The following SMARCA2 variants were observed in gnomAD, a reference collection of about 807,000 sequenced individuals.
SMARCA2 encodes SWI/SNF related BAF chromatin remodeling complex subunit ATPase 2.
Under a neutral mutation model 199.8 loss-of-function variants are expected in SMARCA2, and 61 were observed. That is an observed-to-expected ratio of 0.31 (90% CI 0.25 to 0.38). The LOEUF is 0.38. Ranked by LOEUF, SMARCA2 falls within the 10% of genes least tolerant of loss-of-function variation. The probability of loss-of-function intolerance (pLI) is 1.00; values close to 1 mark genes in which losing one functional copy is unlikely to be tolerated. For missense variants in SMARCA2, 1,344 were observed against 2,012.2 expected, an observed-to-expected ratio of 0.67 and a Z score of 6.35; for synonymous variants, 935 against 732.0, an observed-to-expected ratio of 1.28 and a Z score of -4.48.
chr9:2,191,466 T>C, intron 33 of SMARCA2, 58 bp downstream of exon 33: 1 of 1,585,538 alleles, frequency 6.3e-7, no homozygotes, highest in Non-Finnish European at 8.6e-7. Context: ...CTTGCTGGCC[T>C]CTTGCATTTC....
intron 1 of SMARCA2, among the ~76,000 whole-genome samples, chr9:2,021,583 C>T (rs1162236486): frequency 6.6e-6 from 1 of 152,194 alleles, no homozygotes. Context: ...ATCTTCCCCC[C>T]TGTGCTTTGT....
At chr9:2,160,614 A>G (rs908223266) in intron 27 of SMARCA2, 3 of 702,366 alleles carry the variant, frequency 4.3e-6, no homozygotes, top group African/African-American at 1.7e-5. Context: ...CTGTGGAGAA[A>G]TGAAGGTAAT....
chr9:2,044,529 T>G (rs555817354), intron 4 of SMARCA2: 1 of 152,374 alleles, frequency 6.6e-6, no homozygotes, highest in South Asian at 2.1e-4. Context: ...CTCCCTGTCC[T>G]TGGCAATAAA....
At chr9:2,018,685 G>C (rs946564252) in intron 1 of SMARCA2, among the ~76,000 whole-genome samples, 2 of 152,200 alleles carry the variant, frequency 1.3e-5, no homozygotes, top group Non-Finnish European at 1.5e-5. Flanking sequence ...ATTGTTGCTT[G>C]GGCGTTGAGT....
chr9:2,156,414 CTTTTT>C (rs57161267), intron 27 of SMARCA2, among the ~76,000 whole-genome samples: 6 of 69,166 alleles, frequency 8.7e-5, no homozygotes, highest in African/African-American at 4.2e-4. Flanking sequence ...CCATTTTAGA[CTTTTT>C]TTTTTTTTTT....
Position 2,169,341 on chromosome 9 carries a change from C to G in SMARCA2, c.4200-1078C>G, listed in dbSNP as rs1015570914. On this transcript the variant is annotated intron_variant, in intron 28 of 33. Transcript: ENST00000349721. The surrounding 1 kb of genome is among the most constrained non-coding windows in gnomAD (Gnocchi z 6.5). ...AGAACTCTTCACAGCGGCCCCGTTG[C>G]CTACCCGATGATGACCAGACTTCTT... is the stretch of plus-strand genomic sequence containing the variant. Among the ~76,000 whole-genome samples the G allele has an allele frequency of 6.6e-6, 1 of 152,186 alleles. No individual in the cohort carries two copies. Among genetic ancestry groups the G allele is most frequent in the African/African-American group, 2.4e-5 (1 of 41,440 alleles).
In SMARCA2 at chr9:2,056,589, A is replaced by G; in HGVS notation, c.1174-83A>G. On this transcript the variant is annotated intron_variant, in intron 6 of 33. Transcript: ENST00000349721. This position sits in a 1 kb window ranked among gnomAD's most constrained non-coding sequence, Gnocchi z 4.0. ...GAGATTCCCCGCCCCACTCTATTCC[A>G]TTAAATGCAACCGCGAGAAGGCCAG... The G allele has an allele frequency of 7.7e-7, 1 of 1,299,984 alleles. No individual in the cohort carries two copies. Among genetic ancestry groups the G allele is most frequent in the African/African-American group, 1.5e-5 (1 of 67,336 alleles). The allele number at this position is 1,299,984 out of a possible 1,614,324, so 80.5% of individuals were successfully genotyped here. A position where few individuals can be genotyped will look rare whatever the true frequency, so the allele number is the denominator to read the frequency against.
chr9:2,188,300 A>G (rs1294690852), intron 32 of SMARCA2, among the ~76,000 whole-genome samples: 1 of 152,156 alleles, frequency 6.6e-6, no homozygotes, highest in African/African-American at 2.4e-5. Flanking sequence ...CATTTTACCC[A>G]TAGATTATTG....
At chr9:2,077,811 G>GGT in intron 14 of SMARCA2, 35 bp downstream of exon 14, 1 of 1,569,572 alleles carries the variant, frequency 6.4e-7, no homozygotes, top group Non-Finnish European at 8.7e-7. Context: ...TTGGCAAGTT[G>GGT]TAACCATTTA....
At chr9:2,040,767 C>T (rs1819571336) in intron 4 of SMARCA2, 1 of 152,262 alleles carries the variant, frequency 6.6e-6, no homozygotes. Flanking sequence ...GAAGCTATGA[C>T]ATTATACAAT....
chr9:2,045,649 A>G (rs1000419584), intron 4 of SMARCA2: 1 of 152,302 alleles, frequency 6.6e-6, no homozygotes, highest in African/African-American at 2.4e-5. Context: ...ATGGAGGTAC[A>G]TCTACAATAC....
chr9:2,172,863 T>C (rs1826333287), intron 29 of SMARCA2, among the ~76,000 whole-genome samples: 1 of 152,048 alleles, frequency 6.6e-6, no homozygotes, highest in Non-Finnish European at 1.5e-5. Context: ...GAGAGGATCA[T>C]GGGGATACAG....
At chr9:2,181,975 G>C (rs1340363161) in intron 30 of SMARCA2, among the ~76,000 whole-genome samples, 166 bp from the exon 31 acceptor site, 3 of 152,188 alleles carry the variant, frequency 2.0e-5, no homozygotes, top group Non-Finnish European at 4.4e-5. Flanking sequence ...GGGAGTGGGA[G>C]GGTGGACTTG....
At position 2,086,177 on chromosome 9, in the gene SMARCA2, T is replaced by G. The variant is rs1821796601; in HGVS notation, c.2527-652T>G. On this transcript the variant is annotated intron_variant, in intron 17 of 33. Transcript: ENST00000349721. This position sits in a 1 kb window ranked among gnomAD's most constrained non-coding sequence, Gnocchi z 4.3. ...TGGCAGGTAAGGAATGTGCGTGTAT[T>G]GAGGGAGCTTCGTTGTCAGACCTAA... 1 of 152,912 alleles carries G rather than the reference T, an allele frequency of 6.5e-6. No individual in the cohort carries two copies. Among genetic ancestry groups the G allele is most frequent in the Non-Finnish European group, 1.5e-5 (1 of 68,598 alleles). The allele number at this position is 152,912 out of a possible 1,614,324, so 9.5% of individuals were successfully genotyped here. A position where few individuals can be genotyped will look rare whatever the true frequency, so the allele number is the denominator to read the frequency against.
At position 2,192,496 on chromosome 9, in the gene SMARCA2, G is replaced by C. The variant is rs1472965524; in HGVS notation, c.4738-208G>C. The C allele has an allele frequency of 8.3e-6, 5 of 601,624 alleles. No homozygotes were observed. In the African/African-American group the frequency reaches 9.4e-5, roughly 11 times the overall value. The allele number at this position is 601,624 out of a possible 1,614,324, so 37.3% of individuals were successfully genotyped here. On this transcript the variant is annotated intron_variant, in intron 33 of 33. Coordinates refer to ENST00000349721, the MANE Select transcript of SMARCA2 (RefSeq NM_003070.5). ...AACAATAGCTTAGAGGGTGGGCTTT[G>C]CTTTGGGGTTTTTCAGTAAGAAAAA...
chr9:2,036,278 T>C (rs1819329041), intron 3 of SMARCA2, among the ~76,000 whole-genome samples: 1 of 151,918 alleles, frequency 6.6e-6, no homozygotes, highest in East Asian at 1.9e-4. Context: ...AGGAGAGAGG[T>C]TATTGCATCT....
intron 32 of SMARCA2, among the ~76,000 whole-genome samples, chr9:2,187,860 C>G (rs982112644): frequency 1.3e-5 from 2 of 152,174 alleles, no homozygotes; most frequent in African/African-American, 4.8e-5. Flanking sequence ...GGCTGGATCA[C>G]TTGAAGTCAC....
intron 32 of SMARCA2, 93 bp downstream of exon 32, chr9:2,186,321 G>A: frequency 7.5e-7 from 1 of 1,334,662 alleles, no homozygotes; most frequent in East Asian, 2.5e-5. Flanking sequence ...TTTAGAGTGG[G>A]GCAGATCTGG....
At position 2,104,210 on chromosome 9, in the gene SMARCA2, A is replaced by G; in HGVS notation, c.3292+41A>G. On this transcript the variant is annotated intron_variant, in intron 23 of 33. Transcript: ENST00000349721. This position sits in a 1 kb window ranked among gnomAD's most constrained non-coding sequence, Gnocchi z 4.0. ...ATTAGGCTCGGAAGCCATACTACTG[A>G]AAATGAAGGGATAATGGGCACTTAG... is the stretch of plus-strand genomic sequence containing the variant. The G allele has an allele frequency of 1.9e-6, 3 of 1,562,902 alleles. No individual in the cohort carries two copies. Among genetic ancestry groups the G allele is most frequent in the Non-Finnish European group, 2.6e-6 (3 of 1,141,358 alleles).
Sources: allele counts gnomAD v4.1 joint callset (sites outside exome capture counted in the v4.1 genomes callset), GRCh38; gene constraint gnomAD v4.1.1; non-coding constraint Gnocchi (gnomAD v3.1); transcripts MANE v1.5; gene names NCBI Gene and HGNC (gene_info 2026-07-23, HGNC 2026-07-21).